The following KHDRBS2 variants were observed in gnomAD, a reference collection of about 807,000 sequenced individuals.
The protein encoded by KHDRBS2 is KH domain-containing, RNA-binding, signal transduction-associated protein 2.
Under a neutral mutation model 44.3 loss-of-function variants are expected in KHDRBS2, and 26 were observed. That is an observed-to-expected ratio of 0.59 (90% CI 0.43 to 0.81). The LOEUF (loss-of-function observed/expected upper bound fraction) is 0.81. Among genes scored for constraint, KHDRBS2 ranks in the 40% least tolerant of loss-of-function variants. The pLI is 0.00. For missense variants in KHDRBS2, 476 were observed against 433.1 expected (o/e 1.10, Z -0.88); for synonymous variants, 194 against 151.1 (o/e 1.28, Z -2.08).
the KHDRBS2 span, among the ~76,000 whole-genome samples, chr6:61,594,864 T>TA: frequency 5.9e-5 from 9 of 152,084 alleles, no homozygotes; most frequent in Non-Finnish European, 1.2e-4. Context: ...GTCAAAGGCT[T>TA]AAAATACTTG....
chr6:62,114,577 T>C (rs1346843792), intron 2 of KHDRBS2, among the ~76,000 whole-genome samples: 1 of 152,170 alleles, frequency 6.6e-6, no homozygotes, highest in Non-Finnish European at 1.5e-5. Context: ...AATTATATTA[T>C]GATCTAAGTG....
chr6:62,050,549 T>C (rs953800791), intron 2 of KHDRBS2, among the ~76,000 whole-genome samples: 1 of 151,696 alleles, frequency 6.6e-6, no homozygotes, highest in African/African-American at 2.4e-5. Context: ...ATGACTAATA[T>C]CTATAATCTA....
intron 2 of KHDRBS2, among the ~76,000 whole-genome samples, chr6:62,165,992 C>T (rs956838233): frequency 3.3e-5 from 5 of 152,004 alleles, no homozygotes; most frequent in South Asian, 2.1e-4. Context: ...CCCCTGTAAC[C>T]GCTATTCCAC....
intron 2 of KHDRBS2, among the ~76,000 whole-genome samples, chr6:62,097,467 T>A (rs1800866589): frequency 2.0e-5 from 3 of 152,088 alleles, no homozygotes; most frequent in African/African-American, 7.2e-5. Context: ...AATTGACCCC[T>A]TTATCTTTGT....
At chr6:61,917,448 T>C (rs889837717) in intron 4 of KHDRBS2, among the ~76,000 whole-genome samples, 2 of 151,696 alleles carry the variant, frequency 1.3e-5, no homozygotes, top group Non-Finnish European at 2.9e-5. Context: ...AAAAGCAAAA[T>C]TACAGAGACA....
chr6:61,796,232 G>T (rs1785328849), intron 6 of KHDRBS2, among the ~76,000 whole-genome samples: 1 of 151,940 alleles, frequency 6.6e-6, no homozygotes, highest in East Asian at 1.9e-4. Flanking sequence ...AAATAAATAA[G>T]CTTGAAACAT....
the KHDRBS2 span, among the ~76,000 whole-genome samples, chr6:61,650,677 C>G: frequency 1.3e-5 from 2 of 151,620 alleles, no homozygotes; most frequent in Non-Finnish European, 2.9e-5. Context: ...TGAATGAACA[C>G]ATTTGAAAAT....
At chr6:61,572,420 G>A in the KHDRBS2 span, among the ~76,000 whole-genome samples, 1 of 152,040 alleles carries the variant, frequency 6.6e-6, no homozygotes, top group Non-Finnish European at 1.5e-5. Flanking sequence ...CAATCTTACT[G>A]AAATTATTTC....
At chr6:61,664,711 T>C in the KHDRBS2 span, among the ~76,000 whole-genome samples, 1 of 151,740 alleles carries the variant, frequency 6.6e-6, no homozygotes, top group African/African-American at 2.4e-5. Flanking sequence ...ATATACCTGA[T>C]GGGTAGAAGA....
chr6:62,073,329 A>T (rs1054214778), intron 2 of KHDRBS2, among the ~76,000 whole-genome samples: 1 of 151,474 alleles, frequency 6.6e-6, no homozygotes, highest in African/African-American at 2.4e-5. Flanking sequence ...CATCTACATT[A>T]TTTAATATGT....
At chr6:62,166,217 T>C (rs1226619571) in intron 2 of KHDRBS2, among the ~76,000 whole-genome samples, 1 of 152,078 alleles carries the variant, frequency 6.6e-6, no homozygotes, top group African/African-American at 2.4e-5. Flanking sequence ...ATTTATCTAC[T>C]AGTTTGTTGA....
rs1183829205 is a variant in KHDRBS2 at position 62,156,833 on chromosome 6, G to A, written c.219+20352C>T. Among the ~76,000 whole-genome samples, 10 of 106,736 alleles carry A rather than the reference G, an allele frequency of 9.4e-5. No individual in the cohort carries two copies. The South Asian group carries it at 3.3e-3, about 35-fold the overall frequency. The allele number at this position is 106,736 out of a possible 152,430, so 70.0% of individuals were successfully genotyped here. ...ACTACAGGTGCCCGCCACCACGCCCGGCTAATTTTTTTTTTTTTTTTTTTT... is the reference window on the plus strand; with the variant it reads ...ACTACAGGTGCCCGCCACCACGCCCAGCTAATTTTTTTTTTTTTTTTTTTT... On this transcript the variant is annotated intron_variant, in intron 2 of 8. Coordinates refer to ENST00000281156, the MANE Select transcript of KHDRBS2 (RefSeq NM_152688.4).
At chr6:62,147,102 G>T (rs1363575512) in intron 2 of KHDRBS2, among the ~76,000 whole-genome samples, 1 of 151,792 alleles carries the variant, frequency 6.6e-6, no homozygotes, top group Non-Finnish European at 1.5e-5. Context: ...CCTACAATTG[G>T]TTTCTGTTCA....
At chr6:61,877,646 C>T (rs897185426) in intron 6 of KHDRBS2, among the ~76,000 whole-genome samples, 1 of 151,590 alleles carries the variant, frequency 6.6e-6, no homozygotes, top group African/African-American at 2.4e-5. Flanking sequence ...ATTATGCAAC[C>T]GGAGCAAGGG....
chr6:61,589,214 A>G, the KHDRBS2 span, among the ~76,000 whole-genome samples: 1 of 152,224 alleles, frequency 6.6e-6, no homozygotes, highest in South Asian at 2.1e-4. Context: ...CATGTTCAGC[A>G]CATATATCTC....
the KHDRBS2 span, among the ~76,000 whole-genome samples, chr6:61,570,844 A>T: frequency 1.3e-5 from 2 of 152,032 alleles, no homozygotes; most frequent in East Asian, 3.9e-4. Flanking sequence ...AAGGAGAGAT[A>T]AAGCCTTTTT....
chr6:62,263,110 T>C (rs1396107322), intron 1 of KHDRBS2, among the ~76,000 whole-genome samples: 1 of 151,740 alleles, frequency 6.6e-6, no homozygotes, highest in Non-Finnish European at 1.5e-5. Context: ...GAAAGACTCA[T>C]TAGTAATTTA....
intron 1 of KHDRBS2, among the ~76,000 whole-genome samples, chr6:62,197,188 GA>G (rs1326250430): frequency 2.0e-5 from 3 of 152,024 alleles, no homozygotes; most frequent in Non-Finnish European, 4.4e-5. Context: ...TATAGTAAAT[GA>G]ATTTGTCATA....
intron 7 of KHDRBS2, among the ~76,000 whole-genome samples, chr6:61,704,024 C>T (rs917376717): frequency 2.0e-5 from 3 of 151,966 alleles, no homozygotes; most frequent in Admixed American, 1.3e-4. Flanking sequence ...GTTGGAAAAC[C>T]TATTTGCAGG....
Sources: allele counts gnomAD v4.1 joint callset (sites outside exome capture counted in the v4.1 genomes callset), GRCh38; gene constraint gnomAD v4.1.1; transcripts MANE v1.5; gene names NCBI Gene and HGNC (gene_info 2026-07-23, HGNC 2026-07-21).